Variants in NEXMIF observed in about 807,000 individuals in gnomAD.
NEXMIF encodes XLMR protein related to neurite extension.
A neutral mutation model predicts 62.1 loss-of-function variants in NEXMIF; 8 were observed. That is an observed-to-expected ratio of 0.13 (90% confidence interval 0.08 to 0.23). NEXMIF has a LOEUF of 0.23. Ranked by LOEUF, NEXMIF falls within the 10% of genes least tolerant of loss-of-function variation. The pLI is 1.00. For synonymous variants in NEXMIF, 404 were observed against 416.6 expected (o/e 0.97, Z 0.37); for missense variants, 976 against 1,113.3 (o/e 0.88, Z 1.75).
intron 1 of NEXMIF, among the ~76,000 whole-genome samples, chrX:74,796,179 A>G (rs1318969461): frequency 3.1e-4 from 23 of 73,279 alleles, no homozygotes; most frequent in East Asian, 7.9e-4. Flanking sequence ...TATTATATAT[A>G]TACATATATA....
At chrX:74,783,063 G>GAT (rs989370004) in intron 1 of NEXMIF, among the ~76,000 whole-genome samples, 9 of 110,688 alleles carry the variant, frequency 8.1e-5, no homozygotes, top group South Asian at 7.5e-4. Flanking sequence ...TCTAATAAAT[G>GAT]ATATATATAT....
chrX:74,776,588 G>C, intron 1 of NEXMIF, among the ~76,000 whole-genome samples: 1 of 109,355 alleles, frequency 9.1e-6, no homozygotes, highest in Non-Finnish European at 1.9e-5. Context: ...TAACCTGGGC[G>C]TGGTGGCGGG....
intron 1 of NEXMIF, among the ~76,000 whole-genome samples, chrX:74,803,154 G>A (rs747506053): frequency 8.0e-5 from 9 of 111,967 alleles, no homozygotes; most frequent in African/African-American, 2.9e-4. Context: ...CTTACTCAAA[G>A]GGAAAATAAC....
rs180962681 is a variant in NEXMIF, at chrX:74,844,985, T to C, written c.-48+79898A>G. ...TGATTAGTGTTCACATATAGAGCAA[T>C]GGGTTTAGCTAAATAAATAATGTTA... On this transcript the variant is annotated intron_variant, in intron 1 of 3. Coordinates refer to ENST00000055682, the MANE Select transcript of NEXMIF (RefSeq NM_001008537.3). 7.4e-3 allele frequency among the ~76,000 whole-genome samples: 836 copies of C among 112,559 alleles called. 5 individuals carry two copies. The highest frequency in any genetic ancestry group is 0.012 in the Non-Finnish European group (625 of 53,295).
chrX:74,773,118 T>C (rs1440050042), intron 1 of NEXMIF, among the ~76,000 whole-genome samples: 2 of 111,622 alleles, frequency 1.8e-5, no homozygotes, highest in Admixed American at 9.6e-5. Context: ...TTTAAAGATA[T>C]GCTCTCAGAA....
chrX:74,892,847 G>A (rs757806813), intron 1 of NEXMIF, among the ~76,000 whole-genome samples: 61 of 112,128 alleles, frequency 5.4e-4, no homozygotes, highest in South Asian at 7.4e-4. Context: ...GGAATGGAAC[G>A]TCAGAGGCAG....
intron 1 of NEXMIF, among the ~76,000 whole-genome samples, chrX:74,874,468 T>C (rs1306778945): frequency 1.8e-5 from 2 of 110,847 alleles, no homozygotes; most frequent in African/African-American, 3.3e-5. Context: ...ATTGACTTGG[T>C]GATGTGGGCT....
At chrX:74,797,371 G>A (rs1223055074) in intron 1 of NEXMIF, among the ~76,000 whole-genome samples, 1 of 112,019 alleles carries the variant, frequency 8.9e-6, no homozygotes, top group Non-Finnish European at 1.9e-5. Context: ...TTTTATAAAT[G>A]TACCATAGTA....
At position 74,881,791 on chromosome X, in the gene NEXMIF, A is replaced by T. The variant is rs2080665402; in HGVS notation, c.-48+43092T>A. Among the ~76,000 whole-genome samples, 3 of 107,767 alleles carry T rather than the reference A, an allele frequency of 2.8e-5. No individual in the cohort carries two copies. The Admixed American group carries it at 3.0e-4, about 11-fold the overall frequency. The allele number at this position is 107,767 out of a possible 115,157, so 93.6% of individuals were successfully genotyped here. ...GTAAATTGCCACATTACAAAAATAGATGCAGAATTAACCAGTTTCACTTAG... is the reference window on the plus strand; with the variant it reads ...GTAAATTGCCACATTACAAAAATAGTTGCAGAATTAACCAGTTTCACTTAG... On this transcript the variant is annotated intron_variant, in intron 1 of 3. Transcript: ENST00000055682.
intron 2 of NEXMIF, among the ~76,000 whole-genome samples, chrX:74,744,974 T>G (rs1324020183): frequency 9.8e-6 from 1 of 101,685 alleles, no homozygotes; most frequent in African/African-American, 3.6e-5. Context: ...TCTCTCTCCC[T>G]CTCTCCCTCT....
chrX:74,811,408 C>A (rs1309425385), intron 1 of NEXMIF, among the ~76,000 whole-genome samples: 1 of 112,204 alleles, frequency 8.9e-6, no homozygotes, highest in Non-Finnish European at 1.9e-5. Context: ...AAGAAAACGT[C>A]CCACTTGAAG....
At position 74,893,597 on chromosome X, in the gene NEXMIF, G is replaced by A. The variant is rs755220704; in HGVS notation, c.-48+31286C>T. 9.8e-5 allele frequency among the ~76,000 whole-genome samples: 11 copies of A among 112,430 alleles called. 1 individual carries two copies. The highest frequency in any genetic ancestry group is 3.7e-4 in the South Asian group (1 of 2,718). ...AGAGAAAGAAGAGATAAAAGAAGAT[G>A]AGGTGATTAAGCACCCAAGATGGAG... is the stretch of plus-strand genomic sequence containing the variant. On this transcript the variant is annotated intron_variant, in intron 1 of 3. Coordinates refer to ENST00000055682, the MANE Select transcript of NEXMIF (RefSeq NM_001008537.3).
At chrX:74,894,792 T>C (rs2080727885) in intron 1 of NEXMIF, among the ~76,000 whole-genome samples, 1 of 112,098 alleles carries the variant, frequency 8.9e-6, no homozygotes, top group Non-Finnish European at 1.9e-5. Context: ...CAACATTCCT[T>C]CATAATAAAA....
At chrX:74,873,513 G>C (rs1283661293) in intron 1 of NEXMIF, among the ~76,000 whole-genome samples, 4 of 111,842 alleles carry the variant, frequency 3.6e-5, no homozygotes, top group Non-Finnish European at 7.5e-5. Context: ...CCCAGTAATG[G>C]GATGGCTGGG....
chrX:74,858,039 T>C (rs1426909718), intron 1 of NEXMIF, among the ~76,000 whole-genome samples: 2 of 112,438 alleles, frequency 1.8e-5, no homozygotes, highest in Non-Finnish European at 3.8e-5. Flanking sequence ...TTTTTGACTC[T>C]AGTTCCTGGC....
chrX:74,744,994 T>C (rs2080122221), intron 2 of NEXMIF, among the ~76,000 whole-genome samples: 1 of 105,274 alleles, frequency 9.5e-6, no homozygotes, highest in African/African-American at 3.5e-5. Flanking sequence ...TCTCTCTTTC[T>C]TTCTTGTTTT....
Position 74,741,648 on chromosome X carries a change from T to C in NEXMIF, c.2909A>G (p.Asn970Ser), listed in dbSNP as rs1556016404. Residue 970 changes from asparagine to serine, a missense_variant, in exon 3 of 4, where the codon AAT becomes AGT. Asn to Ser is a conservative substitution (Grantham distance 46, BLOSUM62 1). This residue lies in a region of NEXMIF where 639 missense variants were observed against 694.5 expected (regional missense o/e 0.92). Coordinates refer to ENST00000055682, the MANE Select transcript of NEXMIF (RefSeq NM_001008537.3). ...SDDSYQLCHF[N>S]NGEICFPFQQ... Reference sequence around the variant, plus strand: ...GAAAGGAAAGCAGATCTCTCCATTATTAAAGTGACATAATTGGTAAGAGTC... The same window carrying C: ...GAAAGGAAAGCAGATCTCTCCATTACTAAAGTGACATAATTGGTAAGAGTC... The C allele has an allele frequency of 3.3e-6, 4 of 1,210,175 alleles. No individual in the cohort carries two copies. Among genetic ancestry groups the C allele is most frequent in the Admixed American group, 4.4e-5 (2 of 45,787 alleles).
chrX:74,821,585 G>A (rs931130874), intron 1 of NEXMIF, among the ~76,000 whole-genome samples: 1 of 111,773 alleles, frequency 8.9e-6, no homozygotes, highest in Non-Finnish European at 1.9e-5. Context: ...GAATAATATC[G>A]ACTGCATCAA....
intron 1 of NEXMIF, among the ~76,000 whole-genome samples, chrX:74,852,169 GTTTAAATAAGACAAAAGATAC>G (rs1220366927): frequency 9.0e-6 from 1 of 111,610 alleles, no homozygotes; most frequent in East Asian, 2.8e-4. Flanking sequence ...GGGTAGCTAT[GTTTAAATAAGACAAAAGATAC>G]TTTAACTTGA....
Sources: allele counts gnomAD v4.1 joint callset (sites outside exome capture counted in the v4.1 genomes callset), GRCh38; gene constraint gnomAD v4.1.1; regional missense constraint gnomAD v4.1.1; transcripts MANE v1.5; gene names NCBI Gene and HGNC (gene_info 2026-07-23, HGNC 2026-07-21).